ARHGAP19: variants seen among roughly 807,000 people sequenced by gnomAD.
ARHGAP19 encodes the protein rho GTPase-activating protein 19.
ARHGAP19 carries 48 observed loss-of-function variants against 60.9 expected under a neutral mutation model. That is an observed-to-expected ratio of 0.79 (90% CI 0.62 to 1.00). The LOEUF (loss-of-function observed/expected upper bound fraction) is 1.00, where lower values mean the gene tolerates loss of function less well. Among genes scored for constraint, ARHGAP19 ranks in the 50% least tolerant of loss-of-function variants. The pLI, the probability that ARHGAP19 is intolerant of heterozygous loss-of-function variation, is 0.00. For missense variants in ARHGAP19, 562 were observed against 597.2 expected (o/e 0.94, Z 0.61); for synonymous variants, 209 against 215.5 (o/e 0.97, Z 0.27).
intron 1 of ARHGAP19, among the ~76,000 whole-genome samples, chr10:97,274,801 G>A (rs545063184): frequency 6.6e-6 from 1 of 152,254 alleles, no homozygotes; most frequent in African/African-American, 2.4e-5. Flanking sequence ...TTAGTAGCTA[G>A]ATATGTAGGC....
At chr10:97,237,950 T>A (rs1000427131) in intron 8 of ARHGAP19, among the ~76,000 whole-genome samples, 1 of 152,014 alleles carries the variant, frequency 6.6e-6, no homozygotes, top group Non-Finnish European at 1.5e-5. Flanking sequence ...ACTTTTATCA[T>A]CATTTATACC....
At chr10:97,273,650 A>G (rs978213814) in intron 1 of ARHGAP19, among the ~76,000 whole-genome samples, 22 of 151,518 alleles carry the variant, frequency 1.5e-4, no homozygotes, top group African/African-American at 5.3e-4. Context: ...CATTGTGCCC[A>G]GCTAATTTTT....
At position 97,272,453 on chromosome 10, in the gene ARHGAP19, T is replaced by A. The variant is rs550269204; in HGVS notation, c.57-6328A>T. ...CTTATTTTTCTATTTTCTGAAAAAA[T>A]TTATGTGAGATTAGTGTTATTTCTT... On this transcript the variant is annotated intron_variant, in intron 1 of 11. Transcript: ENST00000358531. Among the ~76,000 whole-genome samples, 50 of 152,266 alleles carry A rather than the reference T, an allele frequency of 3.3e-4. No individual in the cohort carries two copies. In the South Asian group the frequency reaches 0.01, roughly 32 times the overall value.
At chr10:97,245,668 C>A (rs968482955) in intron 7 of ARHGAP19, among the ~76,000 whole-genome samples, 3 of 151,098 alleles carry the variant, frequency 2.0e-5, no homozygotes, top group African/African-American at 7.3e-5. Context: ...ATTTCCCTAT[C>A]TATCTAAGCT....
chr10:97,253,184 C>G (rs111337634), intron 6 of ARHGAP19, among the ~76,000 whole-genome samples: 2 of 151,728 alleles, frequency 1.3e-5, no homozygotes, highest in African/African-American at 4.8e-5. Flanking sequence ...TAGAGACCAC[C>G]CTGGCCAATA....
At chr10:97,237,723 T>C (rs1012619231) in intron 8 of ARHGAP19, among the ~76,000 whole-genome samples, 4 of 151,904 alleles carry the variant, frequency 2.6e-5, no homozygotes, top group Non-Finnish European at 4.4e-5. Flanking sequence ...ATACAAAAAT[T>C]AGCTGGGCGT....
chr10:97,231,822 G>A (rs1221920750), intron 9 of ARHGAP19, among the ~76,000 whole-genome samples: 4 of 151,828 alleles, frequency 2.6e-5, no homozygotes, highest in Admixed American at 6.6e-5. Context: ...GTTATATACC[G>A]GGAGTAGCAT....
chr10:97,235,082 T>C (rs998610087), intron 9 of ARHGAP19, 135 bp downstream of exon 9: 5 of 754,606 alleles, frequency 6.6e-6, no homozygotes, highest in Non-Finnish European at 1.1e-5. Flanking sequence ...TTTCAACATT[T>C]TGTCTTTACC....
chr10:97,233,954 G>C (rs536314221), intron 9 of ARHGAP19, among the ~76,000 whole-genome samples: 8 of 151,394 alleles, frequency 5.3e-5, no homozygotes, highest in Middle Eastern at 3.4e-3. Context: ...GGGGTGGAGT[G>C]GGGGGAAGGA....
rs1467920945 is a variant in ARHGAP19, at chr10:97,266,050, A to G, written c.132T>C (p.Phe44=). Residue 44 remains phenylalanine (F), a synonymous_variant, in exon 2 of 12, where the codon TTT becomes TTC. Coordinates refer to ENST00000358531, the MANE Select transcript of ARHGAP19 (RefSeq NM_032900.6). ...TCTCATGTCGGAGTTTCTCCACAAA[A>G]AAGTCAGGATTAAAGATAATGGGCT... ...RGQPIIFNPD[F]FVEKLRHEKP... 2 of 1,614,130 alleles carry G rather than the reference A, an allele frequency of 1.2e-6. No individual in the cohort carries two copies. The highest frequency in any genetic ancestry group is 1.7e-6 in the Non-Finnish European group (2 of 1,180,062).
At chr10:97,249,313 T>C (rs562676255) in intron 6 of ARHGAP19, among the ~76,000 whole-genome samples, 12 of 152,332 alleles carry the variant, frequency 7.9e-5, no homozygotes, top group Non-Finnish European at 1.2e-4. Context: ...TTTACCTTTG[T>C]AACTGAAAGA....
chr10:97,239,550 GGGTGTGTGTGTGTGTGTGTGTGTGT>G (rs1842440017), intron 8 of ARHGAP19, among the ~76,000 whole-genome samples: 8 of 115,002 alleles, frequency 7.0e-5, no homozygotes, highest in South Asian at 6.2e-4. Flanking sequence ...GAGAGAGAGA[GGGTGTGTGTGTGTGTGTGTGTGTGT>G]GTGTGTGTGT....
In ARHGAP19 at chr10:97,244,080, G is replaced by C. The variant is rs752884738; in HGVS notation, c.1073C>G (p.Ser358Cys). The C allele has an allele frequency of 1.9e-6, 3 of 1,613,914 alleles. No homozygotes were observed. Among genetic ancestry groups the C allele is most frequent in the Non-Finnish European group, 1.7e-6 (2 of 1,179,984 alleles). ...CTGGGTCTCCTCCTGGTGAGGGCAG[G>C]AATCTACCCGGTTCCGTTTCTGAGA... ...AKSQKRNRVD[S>C]CPHQEETQHH... The change falls in exon 8 of 12, where the codon TCC becomes TGC. Residue 358 changes from serine to cysteine, a missense_variant. By Grantham distance (112) the Ser-to-Cys change is moderately radical (BLOSUM62 -1). Coordinates refer to ENST00000358531, the MANE Select transcript of ARHGAP19 (RefSeq NM_032900.6).
At chr10:97,287,694 C>G (rs1251172549) in intron 1 of ARHGAP19, among the ~76,000 whole-genome samples, 1 of 152,078 alleles carries the variant, frequency 6.6e-6, no homozygotes. Flanking sequence ...AGTAAGCCAT[C>G]ATCATGCCAC....
chr10:97,245,506 C>G (rs532606732), intron 7 of ARHGAP19, among the ~76,000 whole-genome samples: 1 of 150,954 alleles, frequency 6.6e-6, no homozygotes, highest in East Asian at 2.0e-4. Context: ...CTGTAGTCCC[C>G]AGCTACTCAG....
intron 9 of ARHGAP19, among the ~76,000 whole-genome samples, chr10:97,234,035 G>T (rs1014875401): frequency 2.0e-5 from 3 of 151,930 alleles, no homozygotes; most frequent in Non-Finnish European, 4.4e-5. Flanking sequence ...GGGAGGCTGA[G>T]GCGGGTGAAT....
intron 5 of ARHGAP19, among the ~76,000 whole-genome samples, chr10:97,257,038 A>T (rs192177889): frequency 6.6e-5 from 10 of 151,950 alleles, no homozygotes; most frequent in African/African-American, 2.2e-4. Context: ...GGAGAATGGC[A>T]TGAACCCGGG....
chr10:97,288,654 A>G (rs921015711), intron 1 of ARHGAP19, among the ~76,000 whole-genome samples: 1 of 152,006 alleles, frequency 6.6e-6, no homozygotes, highest in African/African-American at 2.4e-5. Flanking sequence ...AAGAATCTGT[A>G]AAGTATTTAT....
Position 97,242,397 on chromosome 10 carries a change from G to A in ARHGAP19, c.1185+1571C>T, listed in dbSNP as rs561051475. ...TGCCCAGGCTGGAGTGCAATAGCACGATCTCAGCTCACCGCAACCTCCACC... is the reference window on the plus strand; with the variant it reads ...TGCCCAGGCTGGAGTGCAATAGCACAATCTCAGCTCACCGCAACCTCCACC... On this transcript the variant is annotated intron_variant, in intron 8 of 11. Coordinates refer to ENST00000358531, the MANE Select transcript of ARHGAP19 (RefSeq NM_032900.6). Among the ~76,000 whole-genome samples the A allele has an allele frequency of 6.3e-5, 8 of 127,980 alleles. No individual in the cohort carries two copies. The South Asian group carries it at 1.3e-3, about 20-fold the overall frequency. 84.0% of individuals were successfully genotyped at this position (127,980 alleles called of 152,430 possible).
Sources: gnomAD v4.1 joint callset for allele counts (sites outside exome capture counted in the v4.1 genomes callset) on GRCh38, gnomAD v4.1.1 for gene constraint, MANE v1.5 for transcripts, NCBI Gene and HGNC (gene_info 2026-07-23, HGNC 2026-07-21) for gene names.